Variants in PEX5L observed in about 807,000 individuals in gnomAD.
The protein encoded by PEX5L is peroxisomal biogenesis factor 5 like, also known as PEX5-related protein.
A neutral mutation model predicts 84.0 loss-of-function variants in PEX5L; 30 were observed. The ratio of observed to expected loss-of-function variants is 0.36; its 90% CI spans 0.27 to 0.48. The LOEUF is 0.48. Ranked by LOEUF, PEX5L falls within the 20% of genes least tolerant of loss-of-function variation. PEX5L has a pLI of 0.99. For missense variants in PEX5L, 533 were observed against 754.6 expected, an observed-to-expected ratio of 0.71 and a Z score of 3.44; for synonymous variants, 270 against 283.1, an observed-to-expected ratio of 0.95 and a Z score of 0.46.
intron 1 of PEX5L, among the ~76,000 whole-genome samples, chr3:180,024,957 G>A (rs549445955): frequency 6.6e-6 from 1 of 152,234 alleles, no homozygotes; most frequent in South Asian, 2.1e-4. Context: ...GATCTTGGCT[G>A]GTTAGAGATA....
chr3:179,875,531 G>A, intron 5 of PEX5L, 54 bp from the exon 6 acceptor site: 1 of 1,468,464 alleles, frequency 6.8e-7, no homozygotes, highest in Non-Finnish European at 9.4e-7. Flanking sequence ...CGGGGTAGGG[G>A]GAGCGGTGGC....
intron 14 of PEX5L, among the ~76,000 whole-genome samples, 180 bp from the exon 15 acceptor site, chr3:179,802,212 A>T (rs1577068083): frequency 2.0e-5 from 3 of 152,292 alleles, no homozygotes; most frequent in South Asian, 2.1e-4. Flanking sequence ...GTGAGCAATC[A>T]TTGTTAAATA....
intron 1 of PEX5L, among the ~76,000 whole-genome samples, chr3:180,006,001 T>G (rs1266341854): frequency 6.6e-6 from 1 of 152,248 alleles, no homozygotes; most frequent in Non-Finnish European, 1.5e-5. Flanking sequence ...ACCATGTTTA[T>G]CTTTTAGAAG....
intron 3 of PEX5L, among the ~76,000 whole-genome samples, chr3:179,888,692 A>G (rs564824631): frequency 6.6e-6 from 1 of 152,258 alleles, no homozygotes; most frequent in Admixed American, 6.5e-5. Flanking sequence ...CCTTTCATAA[A>G]ACAGGCATAA....
intron 2 of PEX5L, among the ~76,000 whole-genome samples, chr3:179,923,301 A>AAAAAAAAAAAAAAAC (rs1770366458): frequency 7.0e-6 from 1 of 143,274 alleles, no homozygotes; most frequent in Non-Finnish European, 1.5e-5. Context: ...AAAAAAAAAA[A>AAAAAAAAAAAAAAAC]AAAAAAAAAA....
chr3:179,992,267 A>C (rs1444735168), intron 1 of PEX5L, among the ~76,000 whole-genome samples: 1 of 152,240 alleles, frequency 6.6e-6, no homozygotes, highest in Non-Finnish European at 1.5e-5. Flanking sequence ...TTTGAAAGCC[A>C]AAAGGAATCT....
chr3:179,927,986 C>T (rs917157070), intron 2 of PEX5L, among the ~76,000 whole-genome samples: 1 of 152,024 alleles, frequency 6.6e-6, no homozygotes, highest in Non-Finnish European at 1.5e-5. Flanking sequence ...TAAATCTTTC[C>T]AAGTCACTCT....
chr3:179,857,612 T>C (rs867071608), intron 8 of PEX5L, among the ~76,000 whole-genome samples: 13 of 152,248 alleles, frequency 8.5e-5, no homozygotes, highest in South Asian at 2.1e-4. Flanking sequence ...TGTTGATCTG[T>C]TACTTTGTAA....
rs1280133771 is a variant in PEX5L, at chr3:179,800,580, T to C, written c.*1248A>G. Reference sequence around the variant, plus strand: ...CAACCAATTAAAACACCACTGCTAATAGAAAATTCCCAATACTTGCTAAAT... The same window carrying C: ...CAACCAATTAAAACACCACTGCTAACAGAAAATTCCCAATACTTGCTAAAT... On this transcript the variant is annotated 3_prime_UTR_variant, in exon 15 of 15. Coordinates refer to ENST00000467460, the MANE Select transcript of PEX5L (RefSeq NM_016559.3). 1 of 152,164 alleles carries C rather than the reference T, an allele frequency of 6.6e-6. No individual in the cohort carries two copies. The highest frequency in any genetic ancestry group is 1.5e-5 in the Non-Finnish European group (1 of 68,026). 9.4% of individuals were successfully genotyped at this position (152,164 alleles called of 1,614,324 possible). A position where few individuals can be genotyped will look rare whatever the true frequency, so the allele number is the denominator to read the frequency against.
intron 8 of PEX5L, among the ~76,000 whole-genome samples, chr3:179,839,465 T>G (rs935393559): frequency 5.3e-5 from 8 of 152,220 alleles, no homozygotes; most frequent in Admixed American, 3.3e-4. Context: ...CTTGGTTAAA[T>G]TTTTCCAAAG....
chr3:179,973,207 T>G, intron 1 of PEX5L: 2 of 1,288,504 alleles, frequency 1.6e-6, no homozygotes, highest in Non-Finnish European at 2.0e-6. Context: ...GGGCATTAAG[T>G]AGAGATGGAA....
At chr3:180,026,133 CTTTTTTTTTTT>C (rs368852075) in intron 1 of PEX5L, among the ~76,000 whole-genome samples, 2 of 101,756 alleles carry the variant, frequency 2.0e-5, no homozygotes, top group Admixed American at 2.1e-4. Context: ...TTTCAGCATT[CTTTTTTTTTTT>C]TTTTTTTTTT....
chr3:179,888,093 T>C, intron 3 of PEX5L: 1 of 1,212,766 alleles, frequency 8.2e-7, no homozygotes, highest in Non-Finnish European at 1.1e-6. Flanking sequence ...TGAATCATAG[T>C]TGCTAAGGGC....
intron 2 of PEX5L, among the ~76,000 whole-genome samples, chr3:179,971,088 T>C (rs1161608622): frequency 1.3e-5 from 2 of 152,158 alleles, no homozygotes; most frequent in Admixed American, 1.3e-4. Context: ...TTTTATTAAA[T>C]AGCCTCTTCT....
intron 7 of PEX5L, among the ~76,000 whole-genome samples, 157 bp downstream of exon 7, chr3:179,874,170 C>T (rs572797136): frequency 5.4e-4 from 82 of 151,796 alleles, no homozygotes; most frequent in Non-Finnish European, 1.0e-3. Context: ...TATATTTCAG[C>T]TATTTTAAGT....
chr3:179,950,797 C>T (rs1778883131), intron 2 of PEX5L, among the ~76,000 whole-genome samples: 1 of 152,190 alleles, frequency 6.6e-6, no homozygotes, highest in Non-Finnish European at 1.5e-5. Flanking sequence ...AATAGTAGTG[C>T]AGGGGAGATT....
chr3:179,952,833 G>A (rs929695741), intron 2 of PEX5L, among the ~76,000 whole-genome samples: 8 of 152,226 alleles, frequency 5.3e-5, no homozygotes, highest in Admixed American at 4.6e-4. Context: ...GAGGCATCAC[G>A]CTACCTGACT....
At chr3:179,957,735 C>A (rs552165434) in intron 2 of PEX5L, among the ~76,000 whole-genome samples, 1 of 152,256 alleles carries the variant, frequency 6.6e-6, no homozygotes, top group East Asian at 1.9e-4. Flanking sequence ...AGAGGTAATT[C>A]TAATGCAAAG....
In PEX5L at chr3:180,036,706, A is replaced by C. The variant is rs1791939711; in HGVS notation, c.-107T>G. ...AGGTGGGTGCACAGCGGGTTCTCAG[A>C]GGGTGCTCCTGAGCCCCCTGGAGCT... On this transcript the variant is annotated 5_prime_UTR_variant, in exon 1 of 15. Coordinates refer to ENST00000467460, the MANE Select transcript of PEX5L (RefSeq NM_016559.3). The C allele has an allele frequency of 3.1e-6, 4 of 1,297,820 alleles. No individual in the cohort carries two copies. Among genetic ancestry groups the C allele is most frequent in the Non-Finnish European group, 4.5e-6 (4 of 892,680 alleles). The allele number at this position is 1,297,820 out of a possible 1,614,324, so 80.4% of individuals were successfully genotyped here.
Sources: allele counts gnomAD v4.1 joint callset (sites outside exome capture counted in the v4.1 genomes callset), GRCh38; gene constraint gnomAD v4.1.1; transcripts MANE v1.5; gene names NCBI Gene and HGNC (gene_info 2026-07-23, HGNC 2026-07-21).